The following MAPKAP1 variants were observed in gnomAD, a reference collection of about 807,000 sequenced individuals.
MAPKAP1 encodes target of rapamycin complex 2 subunit MAPKAP1.
In MAPKAP1, 20 loss-of-function variants were observed where a neutral mutation model predicts 65.7. That is an observed-to-expected ratio of 0.30 (90% CI 0.21 to 0.44). MAPKAP1 has a LOEUF of 0.44. MAPKAP1 is among the 20% of genes least tolerant of loss of function. MAPKAP1 has a pLI of 1.00. For missense variants in MAPKAP1, 423 were observed against 648.0 expected, an observed-to-expected ratio of 0.65 and a Z score of 3.77; for synonymous variants, 222 against 244.3, an observed-to-expected ratio of 0.91 and a Z score of 0.85.
rs532976859 is a variant in MAPKAP1, at chr9:125,590,378, G to A, written c.499-4651C>T. 3.9e-5 allele frequency among the ~76,000 whole-genome samples: 6 copies of A among 152,186 alleles called. No homozygotes were observed. In the East Asian group the frequency reaches 7.7e-4, roughly 20 times the overall value. On this transcript the variant is annotated intron_variant, in intron 4 of 11. Coordinates refer to ENST00000265960, the MANE Select transcript of MAPKAP1 (RefSeq NM_001006617.3). ...AAGAGCTAGCATTTAGGCCAGGTGC[G>A]GTGGCTCACACCTGCAATCTCAGCA...
At chr9:125,631,801 C>A (rs1257014722) in intron 4 of MAPKAP1, among the ~76,000 whole-genome samples, 1 of 152,180 alleles carries the variant, frequency 6.6e-6, no homozygotes, top group Non-Finnish European at 1.5e-5. Context: ...CAGCACTTCA[C>A]CTACCTAGAA....
intron 5 of MAPKAP1, among the ~76,000 whole-genome samples, chr9:125,569,923 A>G (rs1038492573): frequency 8.5e-5 from 13 of 152,264 alleles, no homozygotes; most frequent in Non-Finnish European, 1.5e-4. Flanking sequence ...ATGTAACTTT[A>G]GTAATCTTTG....
intron 9 of MAPKAP1, among the ~76,000 whole-genome samples, chr9:125,469,523 G>T (rs1853818323): frequency 6.6e-6 from 1 of 152,252 alleles, no homozygotes; most frequent in Admixed American, 6.5e-5. Flanking sequence ...AAAGGCAGAA[G>T]AAGAATGTGT....
At position 125,698,301 on chromosome 9, in the gene MAPKAP1, ATAT is replaced by A. The variant is rs1564622423; in HGVS notation, c.-70+8667_-70+8669del. On this transcript the variant is annotated intron_variant, in intron 1 of 11. Transcript: ENST00000265960. ...ATAATATATATAAATATATATATAT[ATAT>A]ATATATATATATATATATATATATA... is the stretch of plus-strand genomic sequence containing the variant. Among the ~76,000 whole-genome samples the A allele has an allele frequency of 3.7e-4, 6 of 16,096 alleles. No individual in the cohort carries two copies. In the East Asian group the frequency reaches 5.3e-3, roughly 14 times the overall value. The allele number at this position is 16,096 out of a possible 152,430, so 10.6% of individuals were successfully genotyped here.
At chr9:125,575,165 A>T (rs148498737) in intron 5 of MAPKAP1, among the ~76,000 whole-genome samples, 2 of 152,346 alleles carry the variant, frequency 1.3e-5, no homozygotes, top group East Asian at 3.9e-4. Context: ...CACCCAAGGC[A>T]ACAAAGCTCT....
In MAPKAP1 at chr9:125,598,144, T is replaced by C. The variant is rs554447961; in HGVS notation, c.499-12417A>G. ...TTAATAAAATTCTGGCTTTATGGAC[T>C]CACAAAAAGAACTTTTTTTTTACAT... On this transcript the variant is annotated intron_variant, in intron 4 of 11. Transcript: ENST00000265960. Among the ~76,000 whole-genome samples, 24 of 152,068 alleles carry C rather than the reference T, an allele frequency of 1.6e-4. 1 individual carries two copies. The East Asian group carries it at 3.5e-3, about 22-fold the overall frequency.
At chr9:125,567,291 T>C (rs1300682467) in intron 5 of MAPKAP1, among the ~76,000 whole-genome samples, 2 of 152,218 alleles carry the variant, frequency 1.3e-5, no homozygotes, top group Non-Finnish European at 2.9e-5. Flanking sequence ...GTTAAGGCAT[T>C]TGGATGAGAC....
At chr9:125,502,502 T>C (rs545902162) in intron 8 of MAPKAP1, among the ~76,000 whole-genome samples, 3 of 152,364 alleles carry the variant, frequency 2.0e-5, no homozygotes, top group African/African-American at 7.2e-5. Context: ...ATTTTCATTA[T>C]CTTTCAGTCA....
chr9:125,639,781 C>T (rs559725309), intron 4 of MAPKAP1, among the ~76,000 whole-genome samples: 114 of 152,242 alleles, frequency 7.5e-4, no homozygotes, highest in South Asian at 3.3e-3. Flanking sequence ...GCAGCAGATA[C>T]AGTATCTGGT....
chr9:125,605,745 C>T (rs1832422286), intron 4 of MAPKAP1, among the ~76,000 whole-genome samples: 1 of 152,140 alleles, frequency 6.6e-6, no homozygotes, highest in African/African-American at 2.4e-5. Context: ...CTTAATTATT[C>T]TCCCTCACCC....
intron 5 of MAPKAP1, among the ~76,000 whole-genome samples, chr9:125,574,098 G>A (rs1329161333): frequency 1.3e-5 from 2 of 152,094 alleles, no homozygotes; most frequent in Non-Finnish European, 2.9e-5. Context: ...TAAGTGAAAT[G>A]AGCCAGTTAC....
intron 10 of MAPKAP1, among the ~76,000 whole-genome samples, chr9:125,451,689 C>G (rs1852955821): frequency 6.6e-6 from 1 of 152,156 alleles, no homozygotes; most frequent in Admixed American, 6.5e-5. Context: ...CGTTTATCTT[C>G]CGTCCCTCTC....
At chr9:125,541,287 G>A (rs934805388) in intron 7 of MAPKAP1, among the ~76,000 whole-genome samples, 10 of 152,092 alleles carry the variant, frequency 6.6e-5, no homozygotes, top group Admixed American at 4.6e-4. Context: ...CAGAGACGAC[G>A]GGAGACAGAA....
rs768899389 is a variant in MAPKAP1, at chr9:125,559,655, T to C, written c.826A>G (p.Lys276Glu). 2.5e-6 allele frequency: 4 copies of C among 1,613,886 alleles called. No homozygotes were observed. The highest frequency in any genetic ancestry group is 3.4e-6 in the Non-Finnish European group (4 of 1,179,858). ...EKYSSPGLTS[K>E]ESLFVRINAA... Reference sequence around the variant, plus strand: ...CACATTCGAACAAAGAGTGACTCTTTGGATGTCAGACCAGGAGATGAGTAC... The same window carrying C: ...CACATTCGAACAAAGAGTGACTCTTCGGATGTCAGACCAGGAGATGAGTAC... The change falls in exon 6 of 12, where the codon AAA becomes GAA. Residue 276 changes from lysine to glutamate, a missense_variant. By Grantham distance (56) the Lys-to-Glu change is moderately conservative. This residue lies in a region of MAPKAP1 where 98 missense variants were observed against 200.5 expected (regional missense o/e 0.49). Coordinates refer to ENST00000265960, the MANE Select transcript of MAPKAP1 (RefSeq NM_001006617.3).
intron 4 of MAPKAP1, among the ~76,000 whole-genome samples, chr9:125,596,963 T>TTA (rs746654903): frequency 0.02 from 2,571 of 129,328 alleles, 89 homozygotes; most frequent in African/African-American, 0.071. Flanking sequence ...AAATGTGTCT[T>TTA]AAAAAAAAAA....
chr9:125,589,296 T>C (rs1831882772), intron 4 of MAPKAP1, among the ~76,000 whole-genome samples: 1 of 152,256 alleles, frequency 6.6e-6, no homozygotes, highest in Non-Finnish European at 1.5e-5. Context: ...GATTTATTTA[T>C]GTACATCTTT....
At chr9:125,631,514 G>A (rs1162119738) in intron 4 of MAPKAP1, among the ~76,000 whole-genome samples, 3 of 152,142 alleles carry the variant, frequency 2.0e-5, no homozygotes, top group Non-Finnish European at 4.4e-5. Flanking sequence ...GCACTTGTCT[G>A]AATAGACACT....
intron 10 of MAPKAP1, among the ~76,000 whole-genome samples, chr9:125,462,628 A>AAGCC (rs1853541491): frequency 6.6e-6 from 1 of 152,164 alleles, no homozygotes; most frequent in Admixed American, 6.5e-5. Flanking sequence ...TTGTTTAATG[A>AAGCC]CTGACTGCTT....
intron 10 of MAPKAP1, among the ~76,000 whole-genome samples, chr9:125,454,578 A>T (rs1325058067): frequency 1.3e-5 from 2 of 152,208 alleles, no homozygotes; most frequent in Non-Finnish European, 2.9e-5. Context: ...AGTACTGAAC[A>T]TCATGATTCT....
Sources: gnomAD v4.1 joint callset for allele counts (sites outside exome capture counted in the v4.1 genomes callset) on GRCh38, gnomAD v4.1.1 for gene constraint, gnomAD v4.1.1 regional missense constraint, MANE v1.5 for transcripts, NCBI Gene and HGNC (gene_info 2026-07-23, HGNC 2026-07-21) for gene names.